FAM168A: variants seen among roughly 807,000 people sequenced by gnomAD.
FAM168A encodes family with sequence similarity 168 member A.
A neutral mutation model predicts 28.5 loss-of-function variants in FAM168A; 3 were observed. That is an observed-to-expected ratio of 0.11 (90% CI 0.05 to 0.27). FAM168A has a LOEUF of 0.27. FAM168A is among the 10% of genes least tolerant of loss of function. FAM168A has a pLI of 1.00. For missense variants in FAM168A, 222 were observed against 311.5 expected, an observed-to-expected ratio of 0.71 and a Z score of 2.16; for synonymous variants, 122 against 124.2, an observed-to-expected ratio of 0.98 and a Z score of 0.12.
chr11:73,544,244 T>C (rs1285328103), intron 1 of FAM168A, among the ~76,000 whole-genome samples: 2 of 152,166 alleles, frequency 1.3e-5, no homozygotes, highest in Non-Finnish European at 2.9e-5. Context: ...CCATTTCACA[T>C]TGAGTAGGTT....
chr11:73,498,296 CAA>C (rs1854935301), intron 1 of FAM168A, among the ~76,000 whole-genome samples: 1 of 152,188 alleles, frequency 6.6e-6, no homozygotes, highest in Non-Finnish European at 1.5e-5. Context: ...GCAGCCCACT[CAA>C]GAGCTGCACA....
chr11:73,592,241 C>A (rs1003608782), intron 1 of FAM168A, among the ~76,000 whole-genome samples: 1 of 152,226 alleles, frequency 6.6e-6, no homozygotes, highest in African/African-American at 2.4e-5. Flanking sequence ...ACCTGCCTAA[C>A]TGGCAGGAGG....
rs1352309714 is a variant in FAM168A at position 73,408,541 on chromosome 11, G to C, written c.596-898C>G. 2.6e-5 allele frequency among the ~76,000 whole-genome samples: 4 copies of C among 152,144 alleles called. No individual in the cohort carries two copies. In the East Asian group the frequency reaches 7.7e-4, roughly 29 times the overall value. On this transcript the variant is annotated intron_variant, in intron 6 of 7. Transcript: ENST00000356467. Reference sequence around the variant, plus strand: ...ATATCTGTTACCCCAGTATTTGGGAGTCTGAGGTGGGTGGATCCCTTGAGC... The same window carrying C: ...ATATCTGTTACCCCAGTATTTGGGACTCTGAGGTGGGTGGATCCCTTGAGC...
At chr11:73,483,773 G>A (rs1253610000) in intron 1 of FAM168A, among the ~76,000 whole-genome samples, 1 of 152,184 alleles carries the variant, frequency 6.6e-6, no homozygotes, top group African/African-American at 2.4e-5. Flanking sequence ...AAGAAGTAGA[G>A]ACAAAGATGT....
chr11:73,464,571 G>A (rs1867704477), intron 2 of FAM168A, among the ~76,000 whole-genome samples: 1 of 152,190 alleles, frequency 6.6e-6, no homozygotes, highest in African/African-American at 2.4e-5. Flanking sequence ...ACAACGGAAT[G>A]AAGAGAAGGG....
intron 1 of FAM168A, among the ~76,000 whole-genome samples, chr11:73,542,527 A>C (rs1412474626): frequency 6.6e-6 from 1 of 152,214 alleles, no homozygotes; most frequent in Non-Finnish European, 1.5e-5. Flanking sequence ...TCAAGTCTTC[A>C]TTATTGTTTT....
chr11:73,462,156 T>G (rs762337693), intron 2 of FAM168A, among the ~76,000 whole-genome samples: 5 of 152,220 alleles, frequency 3.3e-5, no homozygotes, highest in Non-Finnish European at 7.3e-5. Flanking sequence ...TCAAGAGATA[T>G]TTGTACATCC....
chr11:73,418,526 G>A (rs1250101876), intron 4 of FAM168A, among the ~76,000 whole-genome samples: 1 of 152,150 alleles, frequency 6.6e-6, no homozygotes, highest in African/African-American at 2.4e-5. Flanking sequence ...CCAGCCTCAG[G>A]TATTTCTTTA....
chr11:73,434,608 G>A (rs1310677400), intron 2 of FAM168A, among the ~76,000 whole-genome samples: 5 of 152,182 alleles, frequency 3.3e-5, no homozygotes, highest in Admixed American at 3.3e-4. Flanking sequence ...TGAGGGGGCA[G>A]TAGTAGTAGA....
chr11:73,478,293 C>CA (rs1258661668), intron 1 of FAM168A, among the ~76,000 whole-genome samples: 1 of 152,036 alleles, frequency 6.6e-6, no homozygotes, highest in Non-Finnish European at 1.5e-5. Flanking sequence ...TAAAAAGGAA[C>CA]AAACTACTGA....
chr11:73,467,227 G>T (rs1867749157), intron 2 of FAM168A, among the ~76,000 whole-genome samples: 1 of 151,454 alleles, frequency 6.6e-6, no homozygotes, highest in Admixed American at 6.6e-5. Context: ...TCCTCTAGAG[G>T]AGTACAAATT....
intron 1 of FAM168A, among the ~76,000 whole-genome samples, chr11:73,481,874 G>C (rs903015104): frequency 6.6e-6 from 1 of 152,196 alleles, no homozygotes; most frequent in Non-Finnish European, 1.5e-5. Context: ...GGTCATAAAG[G>C]CTCTGCCGTC....
chr11:73,524,669 C>T (rs1943427990), intron 1 of FAM168A, among the ~76,000 whole-genome samples: 1 of 152,084 alleles, frequency 6.6e-6, no homozygotes, highest in Non-Finnish European at 1.5e-5. Flanking sequence ...ATGTTCTCAG[C>T]TCACTGCAAC....
chr11:73,430,951 A>T (rs965257760), intron 2 of FAM168A, among the ~76,000 whole-genome samples, 181 bp from the exon 3 acceptor site: 6 of 152,160 alleles, frequency 3.9e-5, no homozygotes, highest in African/African-American at 1.4e-4. Context: ...CTCAAGAGAA[A>T]AGTTACCAAT....
chr11:73,433,980 G>A (rs1867045081), intron 2 of FAM168A, among the ~76,000 whole-genome samples: 1 of 151,440 alleles, frequency 6.6e-6, no homozygotes, highest in Non-Finnish European at 1.5e-5. Context: ...CAAGTAGTTG[G>A]TATTACAGGC....
At chr11:73,502,169 T>C (rs1042222467) in intron 1 of FAM168A, among the ~76,000 whole-genome samples, 12 of 143,204 alleles carry the variant, frequency 8.4e-5, no homozygotes, top group African/African-American at 3.1e-4. Flanking sequence ...CTGCAGGAGC[T>C]AGAGACACAA....
At chr11:73,568,214 A>G (rs1487196367) in intron 1 of FAM168A, among the ~76,000 whole-genome samples, 1 of 152,198 alleles carries the variant, frequency 6.6e-6, no homozygotes, top group Non-Finnish European at 1.5e-5. Flanking sequence ...CAGGCCCAGG[A>G]CTGTAGCCAA....
chr11:73,514,741 GA>G (rs1367467474), intron 1 of FAM168A, among the ~76,000 whole-genome samples: 4 of 152,276 alleles, frequency 2.6e-5, no homozygotes, highest in African/African-American at 9.6e-5. Flanking sequence ...GGTGAGGTAG[GA>G]AGATCACCTG....
intron 1 of FAM168A, among the ~76,000 whole-genome samples, chr11:73,517,614 A>G (rs974837331): frequency 6.6e-6 from 1 of 152,190 alleles, no homozygotes; most frequent in African/African-American, 2.4e-5. Context: ...CACTCCTAAC[A>G]TGCAGAAATA....
Sources: gnomAD v4.1 joint callset for allele counts (sites outside exome capture counted in the v4.1 genomes callset) on GRCh38, gnomAD v4.1.1 for gene constraint, MANE v1.5 for transcripts, NCBI Gene and HGNC (gene_info 2026-07-23, HGNC 2026-07-21) for gene names.